PPP6R3: variants seen among roughly 807,000 people sequenced by gnomAD.
PPP6R3 encodes the protein serine/threonine-protein phosphatase 6 regulatory subunit 3.
PPP6R3 carries 38 observed loss-of-function variants against 110.7 expected under a neutral mutation model. That is an observed-to-expected ratio of 0.34 (90% CI 0.26 to 0.45). The LOEUF is 0.45. PPP6R3 is among the 20% of genes least tolerant of loss of function. PPP6R3 has a pLI of 1.00. For synonymous variants in PPP6R3, 369 were observed against 373.5 expected (o/e 0.99, Z 0.14); for missense variants, 870 against 1,062.4 (o/e 0.82, Z 2.52).
intron 2 of PPP6R3, among the ~76,000 whole-genome samples, chr11:68,522,159 T>C (rs1400438362): frequency 2.6e-5 from 4 of 152,272 alleles, no homozygotes; most frequent in African/African-American, 7.2e-5. Context: ...TTTCTAATTA[T>C]AGTTTAGGCG....
At chr11:68,585,971 A>G (rs1189089940) in intron 15 of PPP6R3, among the ~76,000 whole-genome samples, 1 of 152,098 alleles carries the variant, frequency 6.6e-6, no homozygotes, top group East Asian at 1.9e-4. Context: ...GAGGTATAAC[A>G]GTTTTGAGAG....
rs761090518 is a variant in PPP6R3 at position 68,613,125 on chromosome 11, C to T, written c.*8C>T. 8.1e-6 allele frequency: 13 copies of T among 1,613,894 alleles called. No homozygotes were observed. Among genetic ancestry groups the T allele is most frequent in the South Asian group, 4.4e-5 (4 of 91,070 alleles). ...GTGAATGGCCCTGTATGACGGGTGA[C>T]GTCTGCTGCTGCTGACTGAGGACTG... On this transcript the variant is annotated 3_prime_UTR_variant, in exon 24 of 24. Transcript: ENST00000393800.
At chr11:68,588,257 G>C (rs1307262086) in intron 16 of PPP6R3, among the ~76,000 whole-genome samples, 2 of 152,068 alleles carry the variant, frequency 1.3e-5, no homozygotes, top group African/African-American at 2.4e-5. Flanking sequence ...CCAGCACTTT[G>C]GGGGGCTGAG....
intron 1 of PPP6R3, among the ~76,000 whole-genome samples, chr11:68,467,791 T>C (rs570344349): frequency 1.3e-5 from 2 of 152,334 alleles, no homozygotes; most frequent in African/African-American, 4.8e-5. Flanking sequence ...ATTTATTTTT[T>C]TGAGATGGAC....
At chr11:68,601,319 G>C (rs2099631130) in intron 20 of PPP6R3, among the ~76,000 whole-genome samples, 1 of 152,136 alleles carries the variant, frequency 6.6e-6, no homozygotes, top group African/African-American at 2.4e-5. Flanking sequence ...CTCTGAGTTT[G>C]TGGGAATGAG....
intron 23 of PPP6R3, 27 bp downstream of exon 23, chr11:68,610,050 C>T: frequency 6.2e-7 from 1 of 1,610,174 alleles, no homozygotes; most frequent in Non-Finnish European, 8.5e-7. Context: ...TCAAACCCAC[C>T]CAGGCCCTGC....
In PPP6R3 at chr11:68,613,444, A is replaced by G; in HGVS notation, c.*327A>G. On this transcript the variant is annotated 3_prime_UTR_variant, in exon 24 of 24. Coordinates refer to ENST00000393800, the MANE Select transcript of PPP6R3 (RefSeq NM_001164161.2). ...TTAAAATGGCTGTAAGAATAGTTTT[A>G]TAAAAGTGAATACACAGATCTATTG... 9.7e-7 allele frequency: 1 copy of G among 1,033,060 alleles called. No individual in the cohort carries two copies. Among genetic ancestry groups the G allele is most frequent in the Non-Finnish European group, 1.2e-6 (1 of 861,076 alleles). The allele number at this position is 1,033,060 out of a possible 1,614,324, so 64.0% of individuals were successfully genotyped here.
chr11:68,504,979 A>G (rs1040055643), intron 1 of PPP6R3, among the ~76,000 whole-genome samples: 3 of 152,068 alleles, frequency 2.0e-5, no homozygotes, highest in African/African-American at 7.2e-5. Context: ...AATTTACTTC[A>G]TTTCTTAAGA....
intron 1 of PPP6R3, among the ~76,000 whole-genome samples, chr11:68,504,734 G>T (rs1218815366): frequency 1.3e-5 from 2 of 152,122 alleles, no homozygotes; most frequent in African/African-American, 4.8e-5. Context: ...AGTTTTTGTT[G>T]GGGGAAAGAA....
chr11:68,600,286 T>C (rs2099627827), intron 19 of PPP6R3, 55 bp from the exon 20 acceptor site: 1 of 1,542,328 alleles, frequency 6.5e-7, no homozygotes, highest in African/African-American at 1.4e-5. Flanking sequence ...AAATACCTTG[T>C]GGTACATGAA....
chr11:68,495,776 A>G (rs2099011695), intron 1 of PPP6R3, among the ~76,000 whole-genome samples: 1 of 152,190 alleles, frequency 6.6e-6, no homozygotes, highest in Non-Finnish European at 1.5e-5. Context: ...GCTTTTATGA[A>G]TAATGCTGCT....
chr11:68,568,187 TAC>T (rs1284235660), intron 10 of PPP6R3, among the ~76,000 whole-genome samples: 1 of 152,150 alleles, frequency 6.6e-6, no homozygotes, highest in African/African-American at 2.4e-5. Context: ...TTTAAAGAAT[TAC>T]AGTTTCTTTG....
intron 1 of PPP6R3, among the ~76,000 whole-genome samples, chr11:68,479,125 A>G (rs1307444444): frequency 1.3e-5 from 2 of 152,228 alleles, no homozygotes; most frequent in Non-Finnish European, 2.9e-5. Context: ...ATAAGCAATC[A>G]TATTCTTACG....
At chr11:68,483,779 G>A (rs1157720273) in intron 1 of PPP6R3, among the ~76,000 whole-genome samples, 1 of 152,218 alleles carries the variant, frequency 6.6e-6, no homozygotes, top group Non-Finnish European at 1.5e-5. Context: ...ACTGTGCCCA[G>A]TCATATTCTA....
At chr11:68,491,927 G>A (rs1398161237) in intron 1 of PPP6R3, among the ~76,000 whole-genome samples, 1 of 151,930 alleles carries the variant, frequency 6.6e-6, no homozygotes, top group Non-Finnish European at 1.5e-5. Context: ...AATTTGTGTT[G>A]AGCCTCATTC....
chr11:68,566,400 C>G (rs2099470332), intron 9 of PPP6R3, among the ~76,000 whole-genome samples: 1 of 151,806 alleles, frequency 6.6e-6, no homozygotes, highest in Non-Finnish European at 1.5e-5. Context: ...CTCACTCTTG[C>G]TCAGGCTGGA....
At chr11:68,562,090 C>T (rs1217879035) in intron 8 of PPP6R3, among the ~76,000 whole-genome samples, 1 of 151,374 alleles carries the variant, frequency 6.6e-6, no homozygotes, top group Non-Finnish European at 1.5e-5. Flanking sequence ...CTAACAAATA[C>T]ATTTAGCAAG....
In PPP6R3 at chr11:68,481,602, A is replaced by C. The variant is rs2098913248; in HGVS notation, c.-158+20775A>C. Among the ~76,000 whole-genome samples, 3 of 152,230 alleles carry C rather than the reference A, an allele frequency of 2.0e-5. No homozygotes were observed. In the South Asian group the frequency reaches 6.2e-4, roughly 31 times the overall value. On this transcript the variant is annotated intron_variant, in intron 1 of 23. Coordinates refer to ENST00000393800, the MANE Select transcript of PPP6R3 (RefSeq NM_001164161.2). Reference sequence around the variant, plus strand: ...CAGAATTGTTGTGAGGATTAAAGATAAATATTGGTGGGCATGTTTGTATCT... The same window carrying C: ...CAGAATTGTTGTGAGGATTAAAGATCAATATTGGTGGGCATGTTTGTATCT...
At chr11:68,545,046 G>GT in intron 4 of PPP6R3, 22 bp downstream of exon 4, 1 of 1,548,836 alleles carries the variant, frequency 6.5e-7, no homozygotes, top group Non-Finnish European at 8.9e-7. Context: ...TTTCCAAAAG[G>GT]TAAGTATTAG....
Sources: allele counts gnomAD v4.1 joint callset (sites outside exome capture counted in the v4.1 genomes callset), GRCh38; gene constraint gnomAD v4.1.1; transcripts MANE v1.5; gene names NCBI Gene and HGNC (gene_info 2026-07-23, HGNC 2026-07-21).